SMR3B: variants seen among roughly 807,000 people sequenced by gnomAD.
The protein encoded by SMR3B is submaxillary gland androgen regulated protein 3B.
For missense variants in SMR3B, 114 were observed against 99.9 expected (o/e 1.14, Z -0.60); for synonymous variants, 42 against 36.1 (o/e 1.16, Z -0.59).
chr4:70,386,779 T>G (rs1335320640), intron 2 of SMR3B, among the ~76,000 whole-genome samples: 1 of 152,206 alleles, frequency 6.6e-6, no homozygotes, highest in Non-Finnish European at 1.5e-5. Flanking sequence ...AATTTTTTAA[T>G]TGTTTCAACA....
intron 2 of SMR3B, 93 bp from the exon 3 acceptor site, chr4:70,389,570 C>T: frequency 7.7e-7 from 1 of 1,299,230 alleles, no homozygotes; most frequent in South Asian, 1.4e-5. Context: ...ATCTTGGGGC[C>T]ATCTCAGAGT....
At chr4:70,388,727 C>G (rs1198095288) in intron 2 of SMR3B, among the ~76,000 whole-genome samples, 1 of 152,124 alleles carries the variant, frequency 6.6e-6, no homozygotes, top group African/African-American at 2.4e-5. Context: ...CCTGTAGATT[C>G]ATAGAAGATC....
At chr4:70,389,569 C>T in intron 2 of SMR3B, 94 bp from the exon 3 acceptor site, 1 of 1,287,612 alleles carries the variant, frequency 7.8e-7, no homozygotes, top group South Asian at 1.4e-5. Flanking sequence ...AATCTTGGGG[C>T]CATCTCAGAG....
intron 1 of SMR3B, among the ~76,000 whole-genome samples, chr4:70,383,417 A>C (rs1330173399): frequency 6.6e-6 from 1 of 152,148 alleles, no homozygotes; most frequent in Admixed American, 6.5e-5. Flanking sequence ...AGAGTAAAAC[A>C]TTCATGTTGG....
chr4:70,390,142 G>T lies in SMR3B; in HGVS notation c.*294G>T, dbSNP rs1409008975. On this transcript the variant is annotated 3_prime_UTR_variant, in exon 3 of 3. Coordinates refer to ENST00000304915, the MANE Select transcript of SMR3B (RefSeq NM_006685.4). ...GATGAGAATGAAAAATTCCAAAAGT[G>T]CTGAGCTTTGGGGAGAAATAATCTT... 1 of 691,558 alleles carries T rather than the reference G, an allele frequency of 1.4e-6. No homozygotes were observed. 42.8% of individuals were successfully genotyped at this position (691,558 alleles called of 1,614,324 possible).
intron 1 of SMR3B, 117 bp from the exon 2 acceptor site, chr4:70,384,380 C>T: frequency 2.0e-6 from 3 of 1,503,074 alleles, no homozygotes; most frequent in African/African-American, 1.4e-5. Context: ...AGGCAAATTC[C>T]CTAAAAATGC....
At position 70,389,730 on chromosome 4, in the gene SMR3B, T is replaced by G; in HGVS notation, c.122T>G (p.Phe41Cys). The change falls in exon 3 of 3, where the codon TTT becomes TGT. Residue 41 changes from phenylalanine (F) to cysteine (C), a missense_variant. By Grantham distance (205) the Phe-to-Cys change is radical. Coordinates refer to ENST00000304915, the MANE Select transcript of SMR3B (RefSeq NM_006685.4). ...GGACCGCTGGCTCCTCCTCAACCTT[T>G]TGGCCCAGGATTTGTTCCACCACCT... Reference protein sequence around the residue: ...PPGPLAPPQPFGPGFVPPPPP... With the variant: ...PPGPLAPPQPCGPGFVPPPPP... 1.9e-6 allele frequency: 3 copies of G among 1,614,108 alleles called. No homozygotes were observed. In the South Asian group the frequency reaches 3.3e-5, roughly 18 times the overall value.
chr4:70,385,303 GT>G (rs573415715), intron 2 of SMR3B, among the ~76,000 whole-genome samples: 3 of 146,698 alleles, frequency 2.0e-5, no homozygotes, highest in Non-Finnish European at 3.0e-5. Context: ...TATGAAAGCT[GT>G]TTTTTTTAGA....
At chr4:70,385,369 C>T (rs1732639484) in intron 2 of SMR3B, among the ~76,000 whole-genome samples, 1 of 145,502 alleles carries the variant, frequency 6.9e-6, no homozygotes, top group South Asian at 2.2e-4. Flanking sequence ...AAACATGAAA[C>T]ATAAAATAAT....
At chr4:70,387,934 C>T (rs1427847556) in intron 2 of SMR3B, among the ~76,000 whole-genome samples, 1 of 152,186 alleles carries the variant, frequency 6.6e-6, no homozygotes, top group Non-Finnish European at 1.5e-5. Context: ...GACAGAGATG[C>T]TTTGCCGTAA....
Position 70,386,187 on chromosome 4 carries a change from C to T in SMR3B, c.54+1623C>T, listed in dbSNP as rs542138283. 2.0e-4 allele frequency among the ~76,000 whole-genome samples: 30 copies of T among 150,492 alleles called. 1 individual carries two copies. The highest frequency in any genetic ancestry group is 6.3e-4 in the African/African-American group (26 of 41,048). On this transcript the variant is annotated intron_variant, in intron 2 of 2. Transcript: ENST00000304915. ...ACTCCAGAGGCTGAGGCAGGAGAAT[C>T]GCTTGAACCCGGGAGGTGGACATTG... is the stretch of plus-strand genomic sequence containing the variant.
At chr4:70,384,800 A>G in intron 2 of SMR3B, 1 of 622,210 alleles carries the variant, frequency 1.6e-6, no homozygotes, top group Non-Finnish European at 2.5e-6. Context: ...CATTAAACAG[A>G]TACGTATAAA....
rs1732620136 is a variant in SMR3B, at chr4:70,384,484, T to A, written c.-14-13T>A. The A allele has an allele frequency of 1.3e-6, 2 of 1,594,276 alleles. No homozygotes were observed. The highest frequency in any genetic ancestry group is 1.7e-6 in the Non-Finnish European group (2 of 1,172,622). On this transcript the variant is annotated splice_polypyrimidine_tract_variant and intron_variant, in intron 1 of 2. Transcript: ENST00000304915. ...AAACAATCATACTGATCACCTATTG[T>A]GCTTACTTTCAGAGGCAACTGAAAG...
chr4:70,389,742 T>A lies in SMR3B; in HGVS notation c.134T>A (p.Phe45Tyr). 1 of 1,614,038 alleles carries A rather than the reference T, an allele frequency of 6.2e-7. No individual in the cohort carries two copies. The highest frequency in any genetic ancestry group is 8.5e-7 in the Non-Finnish European group (1 of 1,180,008). The change falls in exon 3 of 3, where the codon TTT becomes TAT. Residue 45 changes from phenylalanine to tyrosine, a missense_variant. Transcript: ENST00000304915. ...LAPPQPFGPG[F>Y]VPPPPPPPYG... ...CCTCCTCAACCTTTTGGCCCAGGAT[T>A]TGTTCCACCACCTCCTCCTCCACCC... is the stretch of plus-strand genomic sequence containing the variant.
intron 2 of SMR3B, among the ~76,000 whole-genome samples, chr4:70,387,642 T>C (rs935153113): frequency 1.3e-5 from 2 of 152,198 alleles, no homozygotes; most frequent in Non-Finnish European, 2.9e-5. Flanking sequence ...GTGTGGCCAG[T>C]AAATCAGGGA....
At chr4:70,384,799 G>T in intron 2 of SMR3B, 1 of 637,044 alleles carries the variant, frequency 1.6e-6, no homozygotes, top group Non-Finnish European at 2.4e-6. Flanking sequence ...GCATTAAACA[G>T]ATACGTATAA....
intron 2 of SMR3B, 62 bp from the exon 3 acceptor site, chr4:70,389,601 T>A: frequency 6.5e-7 from 1 of 1,528,908 alleles, no homozygotes; most frequent in Non-Finnish European, 9.0e-7. Flanking sequence ...ACAGAAAGCA[T>A]TCACCCTTAT....
chr4:70,389,607 C>A (rs1732723982), intron 2 of SMR3B, 56 bp from the exon 3 acceptor site: 1 of 1,540,952 alleles, frequency 6.5e-7, no homozygotes, highest in South Asian at 1.2e-5. Flanking sequence ...AGCATTCACC[C>A]TTATATTTAA....
intron 2 of SMR3B, among the ~76,000 whole-genome samples, chr4:70,388,131 G>A (rs1347663860): frequency 1.3e-5 from 2 of 152,026 alleles, no homozygotes; most frequent in African/African-American, 4.8e-5. Context: ...ATTCTGTTTG[G>A]CATGTTCTCT....
Sources: allele counts gnomAD v4.1 joint callset (sites outside exome capture counted in the v4.1 genomes callset), GRCh38; gene constraint gnomAD v4.1.1; transcripts MANE v1.5; gene names NCBI Gene and HGNC (gene_info 2026-07-23, HGNC 2026-07-21).